Variants in FLNA observed in about 807,000 individuals in gnomAD.
The protein encoded by FLNA is filamin-A.
In FLNA, 7 loss-of-function variants were observed where a neutral mutation model predicts 157.6. The observed-to-expected ratio is 0.04, with a 90% CI of 0.03 to 0.08. FLNA has a LOEUF of 0.08. FLNA is among the 10% of genes least tolerant of loss of function. FLNA has a pLI of 1.00. For missense variants in FLNA, 1,750 were observed against 2,398.4 expected, an observed-to-expected ratio of 0.73 and a Z score of 5.65; for synonymous variants, 1,103 against 1,060.8, an observed-to-expected ratio of 1.04 and a Z score of -0.77.
In FLNA at chrX:154,350,923, G is replaced by C; in HGVS notation, c.7142C>G (p.Thr2381Arg). The change falls in exon 44 of 48, where the codon ACA (threonine) becomes AGA (arginine). Residue 2381 changes from threonine (T) to arginine (R), a missense_variant. Physicochemically the swap from Thr to Arg is moderately conservative, Grantham distance 71. Coordinates refer to ENST00000369850, the MANE Select transcript of FLNA (RefSeq NM_001110556.2). ...CAGGGCCTCACCTTGGTCAATTTCT[G>C]TGACATAGCACTCCTCCAGGGCTCC... ...PSGALEECYV[T>R]EIDQDKYAVR... 1 of 1,211,464 alleles carries C rather than the reference G, an allele frequency of 8.3e-7. No individual in the cohort carries two copies.
intron 15 of FLNA, among the ~76,000 whole-genome samples, chrX:154,363,582 G>A (rs782801352): frequency 8.2e-5 from 9 of 110,153 alleles, no homozygotes; most frequent in African/African-American, 2.3e-4. Context: ...GGGGGGTGGC[G>A]GGCGCCTGTA....
chrX:154,349,255 T>A, intron 47 of FLNA, 107 bp downstream of exon 47: 1 of 899,724 alleles, frequency 1.1e-6, no homozygotes, highest in Non-Finnish European at 1.6e-6. Context: ...GCTCTAGAAG[T>A]GAAAGCCACG....
At position 154,367,391 on chromosome X, in the gene FLNA, C is replaced by T; in HGVS notation, c.868+6G>A. ...CACGGGTGCACCCCTGGTGGGGCTCCCTCACCTGGCCCGTAGGCACGGGCT... is the reference window on the plus strand; with the variant it reads ...CACGGGTGCACCCCTGGTGGGGCTCTCTCACCTGGCCCGTAGGCACGGGCT... On this transcript the variant is annotated splice_donor_region_variant and intron_variant, in intron 5 of 47. Transcript: ENST00000369850. 8.3e-7 allele frequency: 1 copy of T among 1,211,002 alleles called. No homozygotes were observed. The highest frequency in any genetic ancestry group is 3.0e-5 in the East Asian group (1 of 33,846).
chrX:154,358,692 C>G lies in FLNA; in HGVS notation c.4475-124G>C. On this transcript the variant is annotated intron_variant, in intron 26 of 47. Transcript: ENST00000369850. ...CTCGCTTTATCCTCATCCACCCGAC[C>G]CTGGGAATGGCCTTGACCCCCTCTG... The G allele has an allele frequency of 8.7e-6, 8 of 915,354 alleles. No homozygotes were observed. In the Admixed American group the frequency reaches 1.8e-4, roughly 21 times the overall value. The allele number at this position is 915,354 out of a possible 1,213,427, so 75.4% of individuals were successfully genotyped here. A position where few individuals can be genotyped will look rare whatever the true frequency, so the allele number is the denominator to read the frequency against.
At position 154,353,628 on chromosome X, in the gene FLNA, G is replaced by C. The variant is rs782359458; in HGVS notation, c.5786C>G (p.Pro1929Arg). 2 of 1,211,316 alleles carry C rather than the reference G, an allele frequency of 1.7e-6. No homozygotes were observed. Among genetic ancestry groups the C allele is most frequent in the Non-Finnish European group, 2.2e-6 (2 of 895,088 alleles). ...TCSVSYLPVL[P>R]GDYSILVKYN... is the part of the protein sequence containing the mutation. ...CTTGACTAGAATGCTGTAGTCCCCC[G>C]GCAGCACAGGCAGGTAGGACACGCT... is the stretch of plus-strand genomic sequence containing the variant. Residue 1929 changes from proline (P) to arginine (R), a missense_variant, in exon 36 of 48, where the codon CCG (proline) becomes CGG (arginine). Around this residue, in one of 5 missense-constraint regions of FLNA, gnomAD observed 970 missense variants for 1,302.6 expected, o/e 0.74. Transcript: ENST00000369850.
Position 154,359,661 on chromosome X carries a change from G to T in FLNA, c.3980-15C>A, listed in dbSNP as rs781957943. On this transcript the variant is annotated splice_polypyrimidine_tract_variant and intron_variant, in intron 23 of 47. Coordinates refer to ENST00000369850, the MANE Select transcript of FLNA (RefSeq NM_001110556.2). ...GGAGTGCAGTCCTGGAGGAGTGCAG[G>T]CCAGGTCAGGAGGAGCCCGGGCCAC... 4.1e-6 allele frequency: 5 copies of T among 1,210,848 alleles called. No homozygotes were observed. The South Asian group carries it at 8.8e-5, about 21-fold the overall frequency.
rs886039209 is a variant in FLNA at position 154,366,127 on chromosome X, G to A, written c.1326C>T (p.Tyr442=). The change falls in exon 9 of 48, where the codon TAC becomes TAT. Residue 442 remains tyrosine, a synonymous_variant. Coordinates refer to ENST00000369850, the MANE Select transcript of FLNA (RefSeq NM_001110556.2). ...PQLEARGDST[Y]RCSYQPTMEG... ...CCATGGTGGGCTGGTAGCTGCAGCG[G>A]TATGTGCTGTCGCCCCGGGCCTCCA... 3.3e-6 allele frequency: 4 copies of A among 1,209,102 alleles called. No individual in the cohort carries two copies. The highest frequency in any genetic ancestry group is 1.1e-6 in the Non-Finnish European group (1 of 894,813).
intron 2 of FLNA, among the ~76,000 whole-genome samples, chrX:154,368,602 T>C (rs1372514794): frequency 8.9e-6 from 1 of 111,828 alleles, no homozygotes; most frequent in Non-Finnish European, 1.9e-5. Flanking sequence ...ACAACTGTTG[T>C]TCCAGGGTGG....
intron 19 of FLNA, 89 bp from the exon 20 acceptor site, chrX:154,361,876 C>T: frequency 3.6e-6 from 4 of 1,111,900 alleles, no homozygotes; most frequent in Non-Finnish European, 5.0e-6. Flanking sequence ...TGTCCTCTCC[C>T]AGGTAAGGAA....
chrX:154,356,081 C>T (rs1318928016), intron 30 of FLNA, among the ~76,000 whole-genome samples: 3 of 112,499 alleles, frequency 2.7e-5, no homozygotes, highest in African/African-American at 9.7e-5. Flanking sequence ...CGGCTGCCCA[C>T]GCTGCCCTGG....
At position 154,366,548 on chromosome X, in the gene FLNA, G is replaced by A. The variant is rs782442639; in HGVS notation, c.1065+14C>T. Reference sequence around the variant, plus strand: ...GCCTGAGGTCACAAGCCTCCCCCCTGGCCAAGGGCTCACCTTATGAGTCCC... The same window carrying A: ...GCCTGAGGTCACAAGCCTCCCCCCTAGCCAAGGGCTCACCTTATGAGTCCC... On this transcript the variant is annotated intron_variant, in intron 7 of 47. Transcript: ENST00000369850. 1 of 1,209,826 alleles carries A rather than the reference G, an allele frequency of 8.3e-7. No homozygotes were observed. The highest frequency in any genetic ancestry group is 2.2e-5 in the Admixed American group (1 of 46,146).
In FLNA at chrX:154,352,033, C is replaced by T; in HGVS notation, c.6770-12G>A. ...GATACTGAATTCGGCTGTGGGAGAA[C>T]AGTTTGTCCTCACTGAAGGCTGCTT... On this transcript the variant is annotated splice_polypyrimidine_tract_variant and intron_variant, in intron 41 of 47. Coordinates refer to ENST00000369850, the MANE Select transcript of FLNA (RefSeq NM_001110556.2). 1 of 1,211,581 alleles carries T rather than the reference C, an allele frequency of 8.3e-7. No homozygotes were observed. Among genetic ancestry groups the T allele is most frequent in the Non-Finnish European group, 1.1e-6 (1 of 895,561 alleles).
In FLNA at chrX:154,359,880, C is replaced by G. The variant is rs2067691495; in HGVS notation, c.3831G>C (p.Glu1277Asp). Residue 1277 changes from glutamate to aspartate, a missense_variant, in exon 23 of 48, where the codon GAG becomes GAC. By Grantham distance (45) the Glu-to-Asp change is conservative (BLOSUM62 2). Around this residue, in one of 5 missense-constraint regions of FLNA, gnomAD observed 970 missense variants for 1,302.6 expected, o/e 0.74. Transcript: ENST00000369850. ...TCAGAGCCCGGGCGTCCACACTGAA[C>G]TCAGTGGTGGCCTCACGGAAGACAC... ...GQGVFREATT[E>D]FSVDARALTQ... 9.9e-6 allele frequency: 12 copies of G among 1,211,075 alleles called. No homozygotes were observed. In the East Asian group the frequency reaches 3.5e-4, roughly 36 times the overall value.
intron 21 of FLNA, among the ~76,000 whole-genome samples, chrX:154,361,046 CAAAAAAAAAAAAAAAAAAAAAAAAAAAA>C (rs59672916): frequency 3.5e-4 from 7 of 19,981 alleles, no homozygotes; most frequent in East Asian, 2.2e-3. Context: ...GACTCTTTCT[CAAAAAAAAAAAAAAAAAAAAAAAAAAAA>C]AAAAAGAAAG....
chrX:154,362,026 CGAT>C lies in FLNA; in HGVS notation c.2776_2778del (p.Ile926del). On this transcript the variant is annotated inframe_deletion, in exon 19 of 48. Transcript: ENST00000369850. The stretch of plus-strand genomic sequence containing the variant: ...ACTGTGTAGGTGTTGTCATGGTGGT[CGAT>C]GATGTCCACATCTCGCACTGCATCC... 8.3e-7 allele frequency: 1 copy of C among 1,209,671 alleles called. No individual in the cohort carries two copies. The highest frequency in any genetic ancestry group is 1.1e-6 in the Non-Finnish European group (1 of 894,624).
intron 30 of FLNA, among the ~76,000 whole-genome samples, chrX:154,355,536 G>A (rs1603359977): frequency 8.8e-6 from 1 of 113,441 alleles, no homozygotes. Context: ...TGTGACACTT[G>A]CCTCCCCACC....
At position 154,362,463 on chromosome X, in the gene FLNA, G is replaced by A. The variant is rs2067719684; in HGVS notation, c.2520C>T (p.Pro840=). 5.0e-6 allele frequency: 6 copies of A among 1,210,472 alleles called. No homozygotes were observed. Among genetic ancestry groups the A allele is most frequent in the African/African-American group, 3.5e-5 (2 of 57,477 alleles). Residue 840 remains proline (P), a synonymous_variant, in exon 17 of 48, where the codon CCC becomes CCT. Transcript: ENST00000369850. ...DNDTFTVKYT[P]RGAGSYTIMV... is the part of the protein sequence containing the mutation. Reference sequence around the variant, plus strand: ...TAATGGTGTAGCTGCCAGCCCCCCGGGGCGTGTACTTGACCGTGAAGGTGT... The same window carrying A: ...TAATGGTGTAGCTGCCAGCCCCCCGAGGCGTGTACTTGACCGTGAAGGTGT...
Position 154,366,546 on chromosome X carries a change from CT to C in FLNA, c.1065+15del, listed in dbSNP as rs1237199633. 16 of 1,209,207 alleles carry C rather than the reference CT, an allele frequency of 1.3e-5. No homozygotes were observed. The highest frequency in any genetic ancestry group is 3.5e-5 in the African/African-American group (2 of 57,514). Reference sequence around the variant, plus strand: ...CTGCCTGAGGTCACAAGCCTCCCCCCTGGCCAAGGGCTCACCTTATGAGTCC... The same window carrying C: ...CTGCCTGAGGTCACAAGCCTCCCCCCGGCCAAGGGCTCACCTTATGAGTCC... On this transcript the variant is annotated intron_variant, in intron 7 of 47. Transcript: ENST00000369850.
chrX:154,357,561 C>T lies in FLNA; in HGVS notation c.4818G>A (p.Val1606=), dbSNP rs2148109762. Residue 1606 remains valine (V), a synonymous_variant, in exon 29 of 48, where the codon GTG becomes GTA. Transcript: ENST00000369850. ...IQDNHDGTYT[V]AYVPDVTGRY... ...GACCTGTCACGTCTGGCACGTAGGC[C>T]ACTGTATACGTGCCGTCATGGTTGT... The T allele has an allele frequency of 8.3e-7, 1 of 1,210,913 alleles. No homozygotes were observed. Among genetic ancestry groups the T allele is most frequent in the Non-Finnish European group, 1.1e-6 (1 of 894,417 alleles).
Sources: allele counts gnomAD v4.1 joint callset (sites outside exome capture counted in the v4.1 genomes callset), GRCh38; gene constraint gnomAD v4.1.1; regional missense constraint gnomAD v4.1.1; transcripts MANE v1.5; gene names NCBI Gene and HGNC (gene_info 2026-07-23, HGNC 2026-07-21).